FGF12: variants seen among roughly 807,000 people sequenced by gnomAD.
The protein encoded by FGF12 is fibroblast growth factor 12B.
In FGF12, 14 loss-of-function variants were observed where a neutral mutation model predicts 23.6. The ratio of observed to expected loss-of-function variants is 0.59; its 90% CI spans 0.39 to 0.93. The LOEUF is 0.93. FGF12 is among the 40% of genes least tolerant of loss of function. FGF12 has a pLI of 0.00. For missense variants in FGF12, 175 were observed against 217.8 expected, an observed-to-expected ratio of 0.80 and a Z score of 1.24; for synonymous variants, 62 against 77.3, an observed-to-expected ratio of 0.80 and a Z score of 1.04.
intron 2 of FGF12, among the ~76,000 whole-genome samples, chr3:192,650,596 A>G (rs1177991129): frequency 2.0e-5 from 3 of 152,142 alleles, no homozygotes; most frequent in Non-Finnish European, 4.4e-5. Flanking sequence ...ATACATTTTT[A>G]GTCTGTCTAT....
At chr3:192,406,070 A>G (rs1284140332) in intron 2 of FGF12, among the ~76,000 whole-genome samples, 1 of 151,500 alleles carries the variant, frequency 6.6e-6, no homozygotes, top group East Asian at 2.0e-4. Flanking sequence ...TAGAACAAAA[A>G]GGGAGGCAAA....
At chr3:192,520,652 T>A (rs1479363271) in intron 2 of FGF12, among the ~76,000 whole-genome samples, 1 of 152,232 alleles carries the variant, frequency 6.6e-6, no homozygotes, top group Non-Finnish European at 1.5e-5. Context: ...AAATTATTTT[T>A]TTTATTTGGG....
chr3:192,523,794 C>A (rs915273278), intron 2 of FGF12, among the ~76,000 whole-genome samples: 1 of 152,090 alleles, frequency 6.6e-6, no homozygotes, highest in Non-Finnish European at 1.5e-5. Context: ...GCTATACAAA[C>A]AATGTTGAGA....
At chr3:192,666,960 C>T (rs1007161165) in intron 2 of FGF12, among the ~76,000 whole-genome samples, 3 of 126,076 alleles carry the variant, frequency 2.4e-5, no homozygotes, top group Admixed American at 8.2e-5. Context: ...GATAGATAGA[C>T]ATAAAGAACA....
chr3:192,360,363 G>C lies in FGF12; in HGVS notation c.124+65C>G. On this transcript the variant is annotated intron_variant, in intron 3 of 5. Transcript: ENST00000445105. This position sits in a 1 kb window ranked among gnomAD's most constrained non-coding sequence, Gnocchi z 4.3. The stretch of plus-strand genomic sequence containing the variant: ...GTAAGGCAGCTTAGCAATGCTTTAA[G>C]TATAAGATACACTGGGCCCTACATT... The C allele has an allele frequency of 8.9e-7, 1 of 1,127,288 alleles. No individual in the cohort carries two copies. The highest frequency in any genetic ancestry group is 1.4e-6 in the Non-Finnish European group (1 of 739,266). 69.8% of individuals were successfully genotyped at this position (1,127,288 alleles called of 1,614,324 possible).
chr3:192,210,963 T>C (rs1052159266), intron 4 of FGF12, among the ~76,000 whole-genome samples: 1 of 152,214 alleles, frequency 6.6e-6, no homozygotes, highest in Non-Finnish European at 1.5e-5. Flanking sequence ...GGTTAGATCC[T>C]GTAAGCCATT....
intron 3 of FGF12, among the ~76,000 whole-genome samples, chr3:192,339,811 T>A (rs1717606236): frequency 1.3e-5 from 2 of 152,156 alleles, no homozygotes; most frequent in South Asian, 4.1e-4. Context: ...TCTGTCTCCA[T>A]CCCTACAATG....
At chr3:192,247,511 A>G (rs953086131) in intron 4 of FGF12, among the ~76,000 whole-genome samples, 1 of 152,190 alleles carries the variant, frequency 6.6e-6, no homozygotes, top group South Asian at 2.1e-4. Context: ...GCATTCTGTC[A>G]AAAGAGCATA....
intron 4 of FGF12, among the ~76,000 whole-genome samples, chr3:192,283,375 T>A (rs1714265074): frequency 6.6e-6 from 1 of 152,122 alleles, no homozygotes; most frequent in South Asian, 2.1e-4. Flanking sequence ...TCTTTAATAA[T>A]TTTTTGACAT....
At chr3:192,284,448 A>G (rs1217392231) in intron 4 of FGF12, among the ~76,000 whole-genome samples, 1 of 152,106 alleles carries the variant, frequency 6.6e-6, no homozygotes. Context: ...ACACAAATGT[A>G]AAAAACATAG....
intron 4 of FGF12, among the ~76,000 whole-genome samples, chr3:192,261,750 C>A (rs1712769698): frequency 6.6e-6 from 1 of 152,168 alleles, no homozygotes; most frequent in African/African-American, 2.4e-5. Flanking sequence ...AAAATGAATT[C>A]TCCCTACCTA....
chr3:192,621,624 C>G (rs1577083358), intron 2 of FGF12, among the ~76,000 whole-genome samples: 2 of 124,772 alleles, frequency 1.6e-5, no homozygotes, highest in South Asian at 5.3e-4. Context: ...AAAATTGTGT[C>G]TTTTGTTTAG....
At chr3:192,212,794 G>GC (rs1474032224) in intron 4 of FGF12, among the ~76,000 whole-genome samples, 7 of 147,782 alleles carry the variant, frequency 4.7e-5, no homozygotes, top group South Asian at 2.1e-4. Context: ...AATGGGGGGG[G>GC]GGTTAAAAAA....
intron 2 of FGF12, among the ~76,000 whole-genome samples, chr3:192,431,995 G>A (rs1225012184): frequency 6.6e-6 from 1 of 152,062 alleles, no homozygotes; most frequent in Non-Finnish European, 1.5e-5. Context: ...TGTTCCCACT[G>A]GCAGCCCTTT....
At position 192,294,530 on chromosome 3, in the gene FGF12, G is replaced by A. The variant is rs538949701; in HGVS notation, c.228+40831C>T. Among the ~76,000 whole-genome samples the A allele has an allele frequency of 2.6e-5, 4 of 152,116 alleles. No homozygotes were observed. The East Asian group carries it at 7.8e-4, about 29-fold the overall frequency. On this transcript the variant is annotated intron_variant, in intron 4 of 5. Coordinates refer to ENST00000445105, the MANE Select transcript of FGF12 (RefSeq NM_004113.6). ...TAAGTGTAGCTTCCTGTCTCCTTAG[G>A]CAAAGAAACAAAACAACCTAGGTTG... is the stretch of plus-strand genomic sequence containing the variant.
chr3:192,651,298 G>A (rs920206106), intron 2 of FGF12, among the ~76,000 whole-genome samples: 5 of 152,140 alleles, frequency 3.3e-5, no homozygotes, highest in South Asian at 2.1e-4. Flanking sequence ...ATATGAACCT[G>A]GACAGGGGAC....
chr3:192,156,601 C>T (rs931217090), intron 5 of FGF12, among the ~76,000 whole-genome samples: 2 of 151,892 alleles, frequency 1.3e-5, no homozygotes, highest in African/African-American at 4.8e-5. Context: ...GATAAATAAA[C>T]AATGTTATTT....
intron 2 of FGF12, among the ~76,000 whole-genome samples, chr3:192,402,075 G>A (rs149829301): frequency 8.6e-4 from 131 of 152,302 alleles, no homozygotes; most frequent in Admixed American, 2.3e-3. Context: ...ATCCCACTCC[G>A]AAGTCCAGGT....
intron 2 of FGF12, among the ~76,000 whole-genome samples, chr3:192,717,204 A>G (rs1370959012): frequency 2.6e-5 from 4 of 152,182 alleles, no homozygotes; most frequent in African/African-American, 4.8e-5. Flanking sequence ...AGACTATACT[A>G]AAGTATGCCT....
Sources: allele counts gnomAD v4.1 joint callset (sites outside exome capture counted in the v4.1 genomes callset), GRCh38; gene constraint gnomAD v4.1.1; non-coding constraint Gnocchi (gnomAD v3.1); transcripts MANE v1.5; gene names NCBI Gene and HGNC (gene_info 2026-07-23, HGNC 2026-07-21).